C11orf58: variants seen among roughly 807,000 people sequenced by gnomAD.
C11orf58 encodes chromosome 11 open reading frame 58.
A neutral mutation model predicts 22.7 loss-of-function variants in C11orf58; 5 were observed. The observed-to-expected ratio is 0.22, with a 90% CI of 0.12 to 0.46. The LOEUF is 0.46. Among genes scored for constraint, C11orf58 ranks in the 20% least tolerant of loss-of-function variants. C11orf58 has a pLI of 0.99. For synonymous variants in C11orf58, 71 were observed against 70.7 expected (o/e 1.00, Z -0.02); for missense variants, 151 against 223.3 (o/e 0.68, Z 2.06).
Position 16,738,847 on chromosome 11 carries a change from T to A in C11orf58, c.63+6T>A. The A allele has an allele frequency of 1.2e-6, 2 of 1,613,846 alleles. No homozygotes were observed. The highest frequency in any genetic ancestry group is 1.7e-6 in the Non-Finnish European group (2 of 1,179,942). On this transcript the variant is annotated splice_donor_region_variant and intron_variant, in intron 1 of 4. Transcript: ENST00000228136. ...CAGCCTCCCCAGACGACGATGTAAA[T>A]AATAATGGCGGAGTGGCTGAGGGTT...
intron 4 of C11orf58, among the ~76,000 whole-genome samples, chr11:16,754,500 T>C (rs1445684175): frequency 1.5e-5 from 2 of 129,264 alleles, no homozygotes; most frequent in African/African-American, 5.6e-5. Context: ...CTGGCTAATT[T>C]TTTTCTTTTT....
intron 2 of C11orf58, among the ~76,000 whole-genome samples, chr11:16,746,545 T>C (rs2134070721): frequency 6.6e-6 from 1 of 152,278 alleles, no homozygotes; most frequent in Non-Finnish European, 1.5e-5. Context: ...AAAGATTTGT[T>C]AAGGATATGT....
intron 3 of C11orf58, chr11:16,751,835 G>A (rs1243361351): frequency 8.5e-5 from 13 of 152,190 alleles, no homozygotes; most frequent in African/African-American, 2.4e-4. Context: ...CAGGTGAATC[G>A]ACTTTGTTCA....
At position 16,756,521 on chromosome 11, in the gene C11orf58, G is replaced by C. The variant is rs938319910; in HGVS notation, c.*1417G>C. Among the ~76,000 whole-genome samples the C allele has an allele frequency of 2.6e-5, 4 of 151,478 alleles. No individual in the cohort carries two copies. The highest frequency in any genetic ancestry group is 5.9e-5 in the Non-Finnish European group (4 of 67,860). ...CCTGACCTCGTGATCCACCCACCTTGGCCTCCCAAAGTGCTGGGATTACAG... is the reference window on the plus strand; with the variant it reads ...CCTGACCTCGTGATCCACCCACCTTCGCCTCCCAAAGTGCTGGGATTACAG... On this transcript the variant is annotated 3_prime_UTR_variant, in exon 5 of 5. Coordinates refer to ENST00000228136, the MANE Select transcript of C11orf58 (RefSeq NM_014267.6).
Position 16,738,662 on chromosome 11 carries a change from G to T in C11orf58, c.-117G>T. ...CGACTGTGGCAGAGAAGGCCCGGAG[G>T]GGCTCTGCGTTCTGTAGTGGCGCTG... On this transcript the variant is annotated 5_prime_UTR_variant, in exon 1 of 5. Coordinates refer to ENST00000228136, the MANE Select transcript of C11orf58 (RefSeq NM_014267.6). The T allele has an allele frequency of 1.7e-6, 2 of 1,153,584 alleles. No homozygotes were observed. Among genetic ancestry groups the T allele is most frequent in the East Asian group, 2.4e-5 (1 of 42,252 alleles). The allele number at this position is 1,153,584 out of a possible 1,614,324, so 71.5% of individuals were successfully genotyped here.
At position 16,748,075 on chromosome 11, in the gene C11orf58, T is replaced by C. The variant is rs1422585713; in HGVS notation, c.148-22T>C. ...TTAAATTAGTGGTCTCAAATGCTAATACATTTTCAACCTTCTTATAGAAAG... is the reference window on the plus strand; with the variant it reads ...TTAAATTAGTGGTCTCAAATGCTAACACATTTTCAACCTTCTTATAGAAAG... On this transcript the variant is annotated intron_variant, in intron 2 of 4. Transcript: ENST00000228136. The C allele has an allele frequency of 2.5e-6, 4 of 1,591,634 alleles. No individual in the cohort carries two copies. In the South Asian group the frequency reaches 4.4e-5, roughly 18 times the overall value.
intron 3 of C11orf58, chr11:16,751,528 T>C (rs1192760738): frequency 6.6e-6 from 1 of 151,040 alleles, no homozygotes; most frequent in Non-Finnish European, 1.5e-5. Flanking sequence ...TGCTTACTTG[T>C]GTGACATATT....
chr11:16,754,478 G>A (rs1484700963), intron 4 of C11orf58, among the ~76,000 whole-genome samples: 1 of 136,780 alleles, frequency 7.3e-6, no homozygotes, highest in East Asian at 2.2e-4. Context: ...CTACAGGCAT[G>A]CACCACCATG....
intron 3 of C11orf58, 168 bp downstream of exon 3, chr11:16,748,325 G>A: frequency 1.9e-6 from 1 of 526,132 alleles, no homozygotes; most frequent in Non-Finnish European, 3.3e-6. Context: ...TTATTTGGGA[G>A]GTTAAAGTGG....
intron 2 of C11orf58, chr11:16,747,724 A>G (rs910573406): frequency 7.4e-5 from 12 of 162,014 alleles, no homozygotes; most frequent in African/African-American, 2.6e-4. Flanking sequence ...GGCAGCAGAA[A>G]GAGCAGGTGG....
intron 3 of C11orf58, chr11:16,750,099 ACT>A (rs1441292292): frequency 7.9e-5 from 12 of 152,178 alleles, no homozygotes; most frequent in African/African-American, 2.7e-4. Context: ...ACAGCAGAAG[ACT>A]CTAATACTGC....
intron 1 of C11orf58, among the ~76,000 whole-genome samples, chr11:16,741,159 A>G (rs1848445402): frequency 6.6e-6 from 1 of 152,012 alleles, no homozygotes; most frequent in Admixed American, 6.6e-5. Flanking sequence ...ATGAGCATCC[A>G]CGGTATGTGA....
intron 1 of C11orf58, 42 bp from the exon 2 acceptor site, chr11:16,744,559 T>C (rs2270886): frequency 0.19 from 299,489 of 1,545,358 alleles, 31,690 homozygotes; most frequent in Admixed American, 0.34. Flanking sequence ...GTAATACTTA[T>C]TTTTATGCAA....
chr11:16,738,916 G>A, intron 1 of C11orf58, 75 bp downstream of exon 1: 4 of 1,554,668 alleles, frequency 2.6e-6, no homozygotes, highest in Admixed American at 3.4e-5. Flanking sequence ...GGTGGTTGGA[G>A]GAGGACGCGC....
At chr11:16,754,159 T>C (rs1774379344) in intron 4 of C11orf58, 1 of 396,414 alleles carries the variant, frequency 2.5e-6, no homozygotes, top group South Asian at 1.4e-4. Context: ...TACTGTTTAC[T>C]CCAAAGTAAT....
At position 16,754,918 on chromosome 11, in the gene C11orf58, T is replaced by C. The variant is rs377646928; in HGVS notation, c.366T>C (p.Asp122=). 9.9e-6 allele frequency: 16 copies of C among 1,613,920 alleles called. No homozygotes were observed. Among genetic ancestry groups the C allele is most frequent in the Middle Eastern group, 1.6e-4 (1 of 6,084 alleles). Residue 122 remains aspartate, a synonymous_variant, in exon 5 of 5, where the codon GAT becomes GAC. Coordinates refer to ENST00000228136, the MANE Select transcript of C11orf58 (RefSeq NM_014267.6). ...GTGATGTGGCTGGAGATGATGATGA[T>C]GACGATGATGATTCACCTGATCCTG... The part of the protein sequence containing the change: ...GEGDVAGDDD[D]DDDDSPDPES...
chr11:16,754,887 G>T lies in C11orf58; in HGVS notation c.335G>T (p.Gly112Val), dbSNP rs1292765404. Residue 112 changes from glycine to valine, a missense_variant, in exon 5 of 5, where the codon GGA becomes GTA. Physicochemically the swap from Gly to Val is moderately radical, Grantham distance 109 (BLOSUM62 -3). This residue lies in a region of C11orf58 where 112 missense variants were observed against 162.6 expected (regional missense o/e 0.69). Transcript: ENST00000228136. ...LGFSEVEDHD[G>V]EGDVAGDDDD... ...ATGTTTTAGGTAGAAGACCATGATG[G>T]AGAAGGTGATGTGGCTGGAGATGAT... The T allele has an allele frequency of 2.5e-6, 4 of 1,613,866 alleles. No individual in the cohort carries two copies. Among genetic ancestry groups the T allele is most frequent in the Non-Finnish European group, 3.4e-6 (4 of 1,179,980 alleles).
At chr11:16,753,560 A>G (rs11605613) in intron 4 of C11orf58, among the ~76,000 whole-genome samples, 1 of 151,752 alleles carries the variant, frequency 6.6e-6, no homozygotes, top group Admixed American at 6.6e-5. Context: ...ATAGGGTTTC[A>G]CCATGTTGCC....
At chr11:16,738,863 G>A (rs1423507838) in intron 1 of C11orf58, 22 bp downstream of exon 1, 15 of 1,613,778 alleles carry the variant, frequency 9.3e-6, no homozygotes, top group Non-Finnish European at 8.5e-6. Context: ...TGGCGGAGTG[G>A]CTGAGGGTTG....
Sources: gnomAD v4.1 joint callset for allele counts (sites outside exome capture counted in the v4.1 genomes callset) on GRCh38, gnomAD v4.1.1 for gene constraint, gnomAD v4.1.1 regional missense constraint, MANE v1.5 for transcripts, NCBI Gene and HGNC (gene_info 2026-07-23, HGNC 2026-07-21) for gene names.